Variants in PNP observed in about 807,000 individuals in gnomAD.
PNP encodes the protein purine nucleoside phosphorylase.
A neutral mutation model predicts 26.8 loss-of-function variants in PNP; 18 were observed. The ratio of observed to expected loss-of-function variants is 0.67; its 90% confidence interval spans 0.46 to 1.00. PNP has a LOEUF of 1.00. Among genes scored for constraint, PNP ranks in the 50% least tolerant of loss-of-function variants. PNP has a pLI of 0.00. For synonymous variants in PNP, 116 were observed against 124.8 expected, an observed-to-expected ratio of 0.93 and a Z score of 0.47; for missense variants, 320 against 362.9, an observed-to-expected ratio of 0.88 and a Z score of 0.96.
At position 20,476,813 on chromosome 14, in the gene PNP, C is replaced by A. The variant is rs1384280116; in HGVS notation, c.*212C>A. ...GATTACAGGTGTGAGCATAGTGAGA[C>A]CTTGGCGCTACAAAATAAAGCTGTT... is the stretch of plus-strand genomic sequence containing the variant. On this transcript the variant is annotated 3_prime_UTR_variant, in exon 6 of 6. Transcript: ENST00000361505. The A allele has an allele frequency of 5.0e-6, 3 of 596,074 alleles. No homozygotes were observed. Among genetic ancestry groups the A allele is most frequent in the Non-Finnish European group, 9.0e-6 (3 of 333,244 alleles). 36.9% of individuals were successfully genotyped at this position (596,074 alleles called of 1,614,324 possible).
chr14:20,474,777 C>T lies in PNP; in HGVS notation c.290C>T (p.Thr97Ile), dbSNP rs1003719252. 2 of 1,613,896 alleles carry T rather than the reference C, an allele frequency of 1.2e-6. No individual in the cohort carries two copies. The highest frequency in any genetic ancestry group is 8.5e-7 in the Non-Finnish European group (1 of 1,179,958). ...TTCGGATTGTTTGCTTCGAAGGTGA[C>T]ATTCCCAGTGAGGGTTTTCCACCTT... is the stretch of plus-strand genomic sequence containing the variant. Reference protein sequence around the residue: ...MYEGYPLWKVTFPVRVFHLLG... With the variant: ...MYEGYPLWKVIFPVRVFHLLG... Residue 97 changes from threonine to isoleucine, a missense_variant, in exon 4 of 6, where the codon ACA (threonine) becomes ATA (isoleucine). Coordinates refer to ENST00000361505, the MANE Select transcript of PNP (RefSeq NM_000270.4).
At chr14:20,470,972 G>A (rs1334779234) in intron 1 of PNP, among the ~76,000 whole-genome samples, 1 of 152,070 alleles carries the variant, frequency 6.6e-6, no homozygotes, top group African/African-American at 2.4e-5. Context: ...TAGAATCTAG[G>A]TCGAATTCTG....
intron 2 of PNP, chr14:20,472,928 C>T: frequency 4.6e-6 from 1 of 215,426 alleles, no homozygotes; most frequent in Non-Finnish European, 9.4e-6. Context: ...ACTGGAAGAG[C>T]AGAGGGAGAA....
At position 20,474,870 on chromosome 14, in the gene PNP, A is replaced by G. The variant is rs104894450; in HGVS notation, c.383A>G (p.Asp128Gly). Residue 128 changes from aspartate to glycine, a missense_variant, in exon 4 of 6, where the codon GAT becomes GGT. By Grantham distance (94) the Asp-to-Gly change is moderately conservative. Transcript: ENST00000361505. ...CTGAACCCCAAGTTTGAGGTTGGAG[A>G]TATCATGCTGATCCGTGACCATATC... is the stretch of plus-strand genomic sequence containing the variant. ...GGLNPKFEVGDIMLIRDHINL... is the reference protein window; with the variant it reads ...GGLNPKFEVGGIMLIRDHINL... 90 of 1,614,036 alleles carry G rather than the reference A, an allele frequency of 5.6e-5. No individual in the cohort carries two copies. The highest frequency in any genetic ancestry group is 7.6e-5 in the Non-Finnish European group (90 of 1,180,040).
intron 2 of PNP, chr14:20,472,837 G>A: frequency 4.1e-6 from 1 of 243,054 alleles, no homozygotes; most frequent in East Asian, 1.0e-4. Flanking sequence ...TCTTTTCCCT[G>A]GAGAGTTAAG....
rs759914052 is a variant in PNP at position 20,472,478 on chromosome 14, G to A, written c.181+1G>A. 6.2e-7 allele frequency: 1 copy of A among 1,613,554 alleles called. No individual in the cohort carries two copies. The highest frequency in any genetic ancestry group is 8.5e-7 in the Non-Finnish European group (1 of 1,179,492). ...ATCCCCAACTTTCCCCGAAGTACAG[G>A]TACTGGCAAGGGAAAGTGGGGAATG... On this transcript the variant is annotated splice_donor_variant, in intron 2 of 5. Coordinates refer to ENST00000361505, the MANE Select transcript of PNP (RefSeq NM_000270.4). LOFTEE classifies it high-confidence loss of function.
At chr14:20,475,361 C>A in intron 5 of PNP, 109 bp downstream of exon 5, 2 of 931,724 alleles carry the variant, frequency 2.1e-6, no homozygotes, top group Non-Finnish European at 3.2e-6. Context: ...GATCTGATTT[C>A]AGGGAAGGGT....
In PNP at chr14:20,475,082, C is replaced by T. The variant is rs150531909; in HGVS notation, c.482C>T (p.Ala161Val). 180 of 1,614,052 alleles carry T rather than the reference C, an allele frequency of 1.1e-4. No homozygotes were observed. The highest frequency in any genetic ancestry group is 1.5e-4 in the Non-Finnish European group (176 of 1,180,042). ...CCTAGGTTTGGAGATCGTTTCCCTG[C>T]CATGTCTGATGCCTACGACCGGACT... ...NDERFGDRFP[A>V]MSDAYDRTMR... The change falls in exon 5 of 6, where the codon GCC (alanine) becomes GTC (valine). Residue 161 changes from alanine (A) to valine (V), a missense_variant. Ala to Val is a moderately conservative substitution (Grantham distance 64). Transcript: ENST00000361505.
rs201831232 is a variant in PNP at position 20,474,965 on chromosome 14, GT to G, written c.461+25del. On this transcript the variant is annotated intron_variant, in intron 4 of 5. Transcript: ENST00000361505. The stretch of plus-strand genomic sequence containing the variant: ...TGATGAAAGGTATGTATGTTACTCC[GT>G]TTTTTTTAGGTGGGTAGGATTTAAA... The G allele has an allele frequency of 1.5e-5, 24 of 1,613,408 alleles. No individual in the cohort carries two copies. The highest frequency in any genetic ancestry group is 1.9e-5 in the Non-Finnish European group (22 of 1,179,626).
In PNP at chr14:20,474,464, G is replaced by A. The variant is rs761513888; in HGVS notation, c.182-8G>A. ...TCCCATTCATTTCTCTTTCTGTTTT[G>A]TATACAGTGCCAGGTCATGCTGGCC... On this transcript the variant is annotated splice_polypyrimidine_tract_variant and splice_region_variant and intron_variant, in intron 2 of 5. Coordinates refer to ENST00000361505, the MANE Select transcript of PNP (RefSeq NM_000270.4). 2.5e-6 allele frequency: 4 copies of A among 1,611,636 alleles called. No homozygotes were observed. Among genetic ancestry groups the A allele is most frequent in the Non-Finnish European group, 3.4e-6 (4 of 1,177,726 alleles).
At chr14:20,476,278 G>A (rs959424520) in intron 5 of PNP, 106 bp from the exon 6 acceptor site, 3 of 947,702 alleles carry the variant, frequency 3.2e-6, no homozygotes, top group African/African-American at 3.2e-5. Flanking sequence ...GGCCATCTTT[G>A]GATGTTTTTT....
chr14:20,476,086 A>G (rs1882103682), intron 5 of PNP, among the ~76,000 whole-genome samples: 1 of 152,040 alleles, frequency 6.6e-6, no homozygotes, highest in Non-Finnish European at 1.5e-5. Flanking sequence ...CAATCCTCCC[A>G]CCTCAGCCTC....
At chr14:20,475,368 G>A in intron 5 of PNP, 116 bp downstream of exon 5, 4 of 887,934 alleles carry the variant, frequency 4.5e-6, no homozygotes, top group South Asian at 1.7e-5. Flanking sequence ...TTTCAGGGAA[G>A]GGTGAATTAA....
chr14:20,472,199 C>G (rs1232410085), intron 1 of PNP, 109 bp from the exon 2 acceptor site: 1 of 893,330 alleles, frequency 1.1e-6, no homozygotes, highest in East Asian at 2.4e-5. Context: ...CCAGCTTCTC[C>G]GTCCCTGCTG....
intron 5 of PNP, among the ~76,000 whole-genome samples, chr14:20,475,702 C>T (rs572403314): frequency 6.6e-6 from 1 of 152,198 alleles, no homozygotes; most frequent in Non-Finnish European, 1.5e-5. Flanking sequence ...CCAGGCTGGT[C>T]CTTGAACTCG....
chr14:20,472,638 A>G, intron 2 of PNP, 161 bp downstream of exon 2: 3 of 731,284 alleles, frequency 4.1e-6, no homozygotes, highest in Non-Finnish European at 7.3e-6. Context: ...GAGTGACTTT[A>G]GGAGATGCCT....
intron 1 of PNP, 54 bp from the exon 2 acceptor site, chr14:20,472,254 T>C: frequency 1.3e-6 from 2 of 1,502,348 alleles, no homozygotes; most frequent in Non-Finnish European, 1.9e-6. Context: ...GTCATTTGTC[T>C]GTGATGCCCT....
At position 20,472,367 on chromosome 14, in the gene PNP, G is replaced by A. The variant is rs950321385; in HGVS notation, c.71G>A (p.Arg24Gln). 13 of 1,613,562 alleles carry A rather than the reference G, an allele frequency of 8.1e-6. No homozygotes were observed. Among genetic ancestry groups the A allele is most frequent in the South Asian group, 2.2e-5 (2 of 91,080 alleles). Residue 24 changes from arginine to glutamine, a missense_variant, in exon 2 of 6, where the codon CGA becomes CAA. By Grantham distance (43) the Arg-to-Gln change is conservative. Coordinates refer to ENST00000361505, the MANE Select transcript of PNP (RefSeq NM_000270.4). ...TGGCTTCTGTCTCACACTAAGCACC[G>A]ACCTCAAGTTGCAATAATCTGTGGT... Reference protein sequence around the residue: ...AEWLLSHTKHRPQVAIICGSG... With the variant: ...AEWLLSHTKHQPQVAIICGSG...
intron 5 of PNP, 115 bp downstream of exon 5, chr14:20,475,367 AG>A (rs1315212898): frequency 1.1e-6 from 1 of 887,892 alleles, no homozygotes; most frequent in Non-Finnish European, 1.7e-6. Context: ...ATTTCAGGGA[AG>A]GGTGAATTAA....
Sources: allele counts gnomAD v4.1 joint callset (sites outside exome capture counted in the v4.1 genomes callset), GRCh38; gene constraint gnomAD v4.1.1; transcripts MANE v1.5; gene names NCBI Gene and HGNC (gene_info 2026-07-23, HGNC 2026-07-21).